Variants in TRAPPC14 observed in about 807,000 individuals in gnomAD.
The protein encoded by TRAPPC14 is microtubule associated protein 11.
A neutral mutation model predicts 56.6 loss-of-function variants in TRAPPC14; 24 were observed. That is an observed-to-expected ratio of 0.42 (90% CI 0.31 to 0.60). TRAPPC14 has a LOEUF of 0.60. Among genes scored for constraint, TRAPPC14 ranks in the 20% least tolerant of loss-of-function variants. The pLI, the probability that TRAPPC14 is intolerant of heterozygous loss-of-function variation, is 0.14. For synonymous variants in TRAPPC14, 377 were observed against 347.0 expected (o/e 1.09, Z -0.96); for missense variants, 615 against 790.3 (o/e 0.78, Z 2.66).
Position 100,157,291 on chromosome 7 carries a change from A to C in TRAPPC14, c.725-77T>G, listed in dbSNP as rs1485824625. ...CCTTTACCCAGAAAAAACCGGACCT[A>C]CCCCACCAGCCTGCCCAGAGGAACT... On this transcript the variant is annotated intron_variant, in intron 4 of 10. Transcript: ENST00000316937. 7 of 1,612,146 alleles carry C rather than the reference A, an allele frequency of 4.3e-6. No homozygotes were observed. The African/African-American group carries it at 6.7e-5, about 15-fold the overall frequency.
intron 10 of TRAPPC14, 27 bp from the exon 11 acceptor site, chr7:100,155,191 C>T: frequency 6.2e-7 from 1 of 1,609,050 alleles, no homozygotes; most frequent in Non-Finnish European, 8.5e-7. Flanking sequence ...GCTGTGGGCG[C>T]TGGTCAGACC....
chr7:100,156,604 C>T (rs374222211), intron 7 of TRAPPC14, 30 bp downstream of exon 7: 154 of 1,610,724 alleles, frequency 9.6e-5, no homozygotes, highest in African/African-American at 1.2e-4. Flanking sequence ...CAAAGGCGAA[C>T]GCCACGATTC....
Position 100,156,833 on chromosome 7 carries a change from C to T in TRAPPC14, c.993+12G>A. ...TCACTTTTCTTTGAACACACCAGCCCCTTATGCTCACCTCCTTGGCCCCTG... is the reference window on the plus strand; with the variant it reads ...TCACTTTTCTTTGAACACACCAGCCTCTTATGCTCACCTCCTTGGCCCCTG... On this transcript the variant is annotated intron_variant, in intron 6 of 10. Transcript: ENST00000316937. 6.2e-7 allele frequency: 1 copy of T among 1,613,892 alleles called. No individual in the cohort carries two copies. The highest frequency in any genetic ancestry group is 1.3e-5 in the African/African-American group (1 of 75,004).
In TRAPPC14 at chr7:100,154,783, C is replaced by A. The variant is rs1232343260; in HGVS notation, c.*228G>T. The A allele has an allele frequency of 1.7e-5, 10 of 588,932 alleles. No homozygotes were observed. The highest frequency in any genetic ancestry group is 6.0e-5 in the South Asian group (3 of 50,258). 36.5% of individuals were successfully genotyped at this position (588,932 alleles called of 1,614,324 possible). On this transcript the variant is annotated 3_prime_UTR_variant, in exon 11 of 11. Transcript: ENST00000316937. ...GCCCTGGCCTAGGGGTGGGGCCAGC[C>A]CCCCCCACAGGAACTCGGGGAATAC... is the stretch of plus-strand genomic sequence containing the variant.
rs553962652 is a variant in TRAPPC14, at chr7:100,157,008, G to A, written c.846-16C>T. ...AGACTGGTGACTAGCTCAGAAAAGAGGACAAGGCATGGTCTCCCCATGCCA... is the reference window on the plus strand; with the variant it reads ...AGACTGGTGACTAGCTCAGAAAAGAAGACAAGGCATGGTCTCCCCATGCCA... On this transcript the variant is annotated splice_polypyrimidine_tract_variant and intron_variant, in intron 5 of 10. Transcript: ENST00000316937. The A allele has an allele frequency of 1.2e-6, 2 of 1,614,092 alleles. No individual in the cohort carries two copies. The highest frequency in any genetic ancestry group is 1.3e-5 in the African/African-American group (1 of 75,028).
rs997748241 is a variant in TRAPPC14 at position 100,158,422 on chromosome 7, C to T, written c.78G>A (p.Pro26=). The change falls in exon 1 of 11, where the codon CCG becomes CCA. Residue 26 remains proline, a synonymous_variant. Coordinates refer to ENST00000316937, the MANE Select transcript of TRAPPC14 (RefSeq NM_018275.5). ...LPPRAELAGD[P]GRYRALPRRN... ...GCCGGGGCAGCGCCCGGTACCGGCCCGGATCCCCTGCCAGCTCCGCGCGCG... is the reference window on the plus strand; with the variant it reads ...GCCGGGGCAGCGCCCGGTACCGGCCTGGATCCCCTGCCAGCTCCGCGCGCG... 5 of 1,427,688 alleles carry T rather than the reference C, an allele frequency of 3.5e-6. No individual in the cohort carries two copies. The African/African-American group carries it at 4.5e-5, about 13-fold the overall frequency. The allele number at this position is 1,427,688 out of a possible 1,614,324, so 88.4% of individuals were successfully genotyped here. A position where few individuals can be genotyped will look rare whatever the true frequency, so the allele number is the denominator to read the frequency against.
Position 100,155,350 on chromosome 7 carries a change from C to T in TRAPPC14, c.1501G>A (p.Val501Ile). Residue 501 changes from valine to isoleucine, a missense_variant, in exon 10 of 11, where the codon GTC becomes ATC. Coordinates refer to ENST00000316937, the MANE Select transcript of TRAPPC14 (RefSeq NM_018275.5). ...SRKSSPSSPA[V>I]RDLVERHQAS... ...TGATGCCTCTCCACCAAGTCCCGGA[C>T]AGCAGGGCTGCTGGGGCTGCTCTTG... The T allele has an allele frequency of 1.3e-6, 2 of 1,551,026 alleles. No homozygotes were observed. The highest frequency in any genetic ancestry group is 8.7e-7 in the Non-Finnish European group (1 of 1,147,700).
chr7:100,155,840 A>G lies in TRAPPC14; in HGVS notation c.1241-15T>C. Reference sequence around the variant, plus strand: ...CAGCTGCTTTCCTGGGGGCAGAAACAGGGACCAGCAAACACTACAGCGTTC... The same window carrying G: ...CAGCTGCTTTCCTGGGGGCAGAAACGGGGACCAGCAAACACTACAGCGTTC... On this transcript the variant is annotated splice_polypyrimidine_tract_variant and intron_variant, in intron 8 of 10. Coordinates refer to ENST00000316937, the MANE Select transcript of TRAPPC14 (RefSeq NM_018275.5). The G allele has an allele frequency of 1.2e-6, 2 of 1,614,156 alleles. No homozygotes were observed. Among genetic ancestry groups the G allele is most frequent in the South Asian group, 1.1e-5 (1 of 91,092 alleles).
In TRAPPC14 at chr7:100,158,055, T is replaced by A. The variant is rs1798921147; in HGVS notation, c.411+34A>T. The A allele has an allele frequency of 9.9e-6, 14 of 1,417,788 alleles. No homozygotes were observed. The East Asian group carries it at 3.5e-4, about 36-fold the overall frequency. The allele number at this position is 1,417,788 out of a possible 1,614,324, so 87.8% of individuals were successfully genotyped here. On this transcript the variant is annotated intron_variant, in intron 1 of 10. Transcript: ENST00000316937. ...CCTCAGGCCCCCAGCAAACCGCCCCTCCGTCCTGTGCCAGGTCCCCCAAAG... is the reference window on the plus strand; with the variant it reads ...CCTCAGGCCCCCAGCAAACCGCCCCACCGTCCTGTGCCAGGTCCCCCAAAG...
rs971487317 is a variant in TRAPPC14, at chr7:100,157,382, C to T, written c.715G>A (p.Val239Met). Residue 239 changes from valine (V) to methionine (M), a missense_variant, in exon 4 of 11, where the codon GTG (valine) becomes ATG (methionine). Physicochemically the swap from Val to Met is conservative, Grantham distance 21. Transcript: ENST00000316937. ...CGGCAGCCCTGCTTACCCTTGAGCA[C>T]GGTCAAGTGTTTTCCAGCCACAGTG... ...QFTVAGKHLTVLKVLNSSSQE... is the reference protein window; with the variant it reads ...QFTVAGKHLTMLKVLNSSSQE... 4 of 1,613,950 alleles carry T rather than the reference C, an allele frequency of 2.5e-6. No homozygotes were observed. In the African/African-American group the frequency reaches 4.0e-5, roughly 16 times the overall value.
chr7:100,155,719 C>G lies in TRAPPC14; in HGVS notation c.1347G>C (p.Ala449=). ...NNLGFSRKGS[A]LTFSVAFQAL... The stretch of plus-strand genomic sequence containing the variant: ...CCTGGAAGGCCACACTGAAGGTGAG[C>G]GCGCTGCCCTTCCGGGAAAAGCCAA... The change falls in exon 9 of 11, where the codon GCG becomes GCC. Residue 449 remains alanine, a synonymous_variant. Coordinates refer to ENST00000316937, the MANE Select transcript of TRAPPC14 (RefSeq NM_018275.5). 1 of 1,613,708 alleles carries G rather than the reference C, an allele frequency of 6.2e-7. No individual in the cohort carries two copies. Among genetic ancestry groups the G allele is most frequent in the Non-Finnish European group, 8.5e-7 (1 of 1,179,742 alleles).
Position 100,157,893 on chromosome 7 carries a change from G to C in TRAPPC14, c.457C>G (p.Pro153Ala), listed in dbSNP as rs930562097. The C allele has an allele frequency of 6.4e-7, 1 of 1,563,890 alleles. No homozygotes were observed. The highest frequency in any genetic ancestry group is 1.4e-5 in the African/African-American group (1 of 74,012). The change falls in exon 2 of 11, where the codon CCA becomes GCA. Residue 153 changes from proline to alanine, a missense_variant. By Grantham distance (27) the Pro-to-Ala change is conservative. Transcript: ENST00000316937. ...PIVSTDEVIF[P>A]LTVSLDRLPP... ...AGTCTATCCAGTGAAACGGTGAGTGGGAAGATGACCTCATCTGTGGACACA... is the reference window on the plus strand; with the variant it reads ...AGTCTATCCAGTGAAACGGTGAGTGCGAAGATGACCTCATCTGTGGACACA...
intron 10 of TRAPPC14, 22 bp downstream of exon 10, chr7:100,155,240 G>A: frequency 6.3e-7 from 1 of 1,585,930 alleles, no homozygotes. Context: ...CCGGTCCCAT[G>A]CCACGCCCCC....
chr7:100,157,223 G>C lies in TRAPPC14; in HGVS notation c.725-9C>G, dbSNP rs1798900058. On this transcript the variant is annotated splice_polypyrimidine_tract_variant and intron_variant, in intron 4 of 10. Coordinates refer to ENST00000316937, the MANE Select transcript of TRAPPC14 (RefSeq NM_018275.5). ...AGAGGAGCTGTTCAGCACTGTGGGA[G>C]AGGACCAGCTTGGCTCAGAATAGCT... The C allele has an allele frequency of 1.2e-6, 2 of 1,614,034 alleles. No individual in the cohort carries two copies. Among genetic ancestry groups the C allele is most frequent in the Admixed American group, 3.3e-5 (2 of 59,998 alleles).
intron 8 of TRAPPC14, 180 bp from the exon 9 acceptor site, chr7:100,156,005 G>T: frequency 1.2e-6 from 1 of 830,504 alleles, no homozygotes; most frequent in Non-Finnish European, 2.1e-6. Flanking sequence ...GGCACGTCAC[G>T]TATATTAACT....
Position 100,155,399 on chromosome 7 carries a change from T to A in TRAPPC14, c.1452A>T (p.Pro484=). 6.5e-7 allele frequency: 1 copy of A among 1,546,830 alleles called. No homozygotes were observed. Among genetic ancestry groups the A allele is most frequent in the Non-Finnish European group, 8.7e-7 (1 of 1,145,080 alleles). Residue 484 remains proline (P), a synonymous_variant, in exon 10 of 11, where the codon CCA becomes CCT. Transcript: ENST00000316937. Reference sequence around the variant, plus strand: ...TGCGGGAGAGGGGCCGGGCCTCGGGTGGAGGGTGGGACACGCTGGCGGTGA... The same window carrying A: ...TGCGGGAGAGGGGCCGGGCCTCGGGAGGAGGGTGGGACACGCTGGCGGTGA... ...LQFTASVSHP[P]PEARPLSRKS...
At position 100,156,893 on chromosome 7, in the gene TRAPPC14, G is replaced by A. The variant is rs1378465734; in HGVS notation, c.945C>T (p.Phe315=). ...CPLNALEEHN[F]LFQLRGGEQP... The stretch of plus-strand genomic sequence containing the variant: ...GCTCACCCCCTCTCAGCTGAAACAG[G>A]AAGTTGTGTTCCTCCAGGGCATTCA... The change falls in exon 6 of 11, where the codon TTC becomes TTT. Residue 315 remains phenylalanine (F), a synonymous_variant. Transcript: ENST00000316937. 4 of 1,614,108 alleles carry A rather than the reference G, an allele frequency of 2.5e-6. No individual in the cohort carries two copies. The East Asian group carries it at 6.7e-5, about 27-fold the overall frequency.
At chr7:100,157,019 G>A (rs369005317) in intron 5 of TRAPPC14, 27 bp from the exon 6 acceptor site, 1 of 1,613,994 alleles carries the variant, frequency 6.2e-7, no homozygotes, top group South Asian at 1.1e-5. Context: ...GACAAGGCAT[G>A]GTCTCCCCAT....
In TRAPPC14 at chr7:100,156,399, C is replaced by T. The variant is rs199682314; in HGVS notation, c.1227G>A (p.Glu409=). The change falls in exon 8 of 11, where the codon GAG becomes GAA. Residue 409 remains glutamate (E), a synonymous_variant. Coordinates refer to ENST00000316937, the MANE Select transcript of TRAPPC14 (RefSeq NM_018275.5). ...FLAVRLVWTP[E]HAQAGKQLCE... Reference sequence around the variant, plus strand: ...CAGCTGACCTACCAGCCTGTGCATGCTCTGGGGTCCACACGAGCCTCACAG... The same window carrying T: ...CAGCTGACCTACCAGCCTGTGCATGTTCTGGGGTCCACACGAGCCTCACAG... 5.0e-6 allele frequency: 8 copies of T among 1,614,164 alleles called. No homozygotes were observed. In the East Asian group the frequency reaches 1.8e-4, roughly 36 times the overall value.
Sources: allele counts gnomAD v4.1 joint callset, GRCh38; gene constraint gnomAD v4.1.1; transcripts MANE v1.5; gene names NCBI Gene and HGNC (gene_info 2026-07-23, HGNC 2026-07-21).